The following CDH12 variants were observed in gnomAD, a reference collection of about 807,000 sequenced individuals.
The protein encoded by CDH12 is cadherin-12.
Under a neutral mutation model 74.1 loss-of-function variants are expected in CDH12, and 41 were observed. That is an observed-to-expected ratio of 0.55 (90% confidence interval 0.43 to 0.72). The LOEUF (loss-of-function observed/expected upper bound fraction) is 0.72. Among genes scored for constraint, CDH12 ranks in the 30% least tolerant of loss-of-function variants. The probability of loss-of-function intolerance (pLI) is 0.00; values close to 1 mark genes in which losing one functional copy is unlikely to be tolerated. For missense variants in CDH12, 945 were observed against 977.2 expected (o/e 0.97, Z 0.44); for synonymous variants, 399 against 355.0 (o/e 1.12, Z -1.39).
chr5:22,424,108 A>G (rs1196824886), intron 2 of CDH12, among the ~76,000 whole-genome samples: 1 of 151,702 alleles, frequency 6.6e-6, no homozygotes, highest in Admixed American at 6.6e-5. Context: ...TATTTATTAA[A>G]TATTTAAATT....
At chr5:22,483,042 C>T (rs1344594191) in intron 2 of CDH12, among the ~76,000 whole-genome samples, 2 of 152,094 alleles carry the variant, frequency 1.3e-5, no homozygotes, top group African/African-American at 2.4e-5. Flanking sequence ...CACACCTCCC[C>T]CTTCTCTTCA....
chr5:22,003,223 C>T (rs1234684549), intron 5 of CDH12, among the ~76,000 whole-genome samples: 3 of 151,964 alleles, frequency 2.0e-5, no homozygotes, highest in Admixed American at 6.6e-5. Context: ...GAACTATAAT[C>T]GTCACATTTT....
At chr5:22,262,181 A>AT (rs1410140382) in intron 3 of CDH12, among the ~76,000 whole-genome samples, 1 of 151,492 alleles carries the variant, frequency 6.6e-6, no homozygotes, top group Non-Finnish European at 1.5e-5. Context: ...GGTTAGTTAC[A>AT]TATGTATACA....
intron 1 of CDH12, among the ~76,000 whole-genome samples, chr5:22,772,235 G>A (rs2126313690): frequency 6.6e-6 from 1 of 152,018 alleles, no homozygotes; most frequent in East Asian, 1.9e-4. Flanking sequence ...GGTTTTGAGA[G>A]ATCATTCACA....
At chr5:22,353,639 T>C (rs922393741) in intron 3 of CDH12, among the ~76,000 whole-genome samples, 3 of 152,178 alleles carry the variant, frequency 2.0e-5, no homozygotes, top group Admixed American at 2.0e-4. Context: ...GTGGATACTA[T>C]GGGTCCTATT....
At chr5:22,449,552 C>G (rs1025714550) in intron 2 of CDH12, among the ~76,000 whole-genome samples, 13 of 151,880 alleles carry the variant, frequency 8.6e-5, no homozygotes, top group African/African-American at 3.1e-4. Flanking sequence ...GTGTTTCTTC[C>G]CAACGCTACT....
At chr5:21,831,137 T>C (rs1481150650) in intron 8 of CDH12, among the ~76,000 whole-genome samples, 1 of 152,106 alleles carries the variant, frequency 6.6e-6, no homozygotes, top group Admixed American at 6.5e-5. Context: ...GTTTTAGCTT[T>C]GATTAGTGGA....
At chr5:21,850,834 T>G (rs1395373932) in intron 7 of CDH12, among the ~76,000 whole-genome samples, 2 of 151,100 alleles carry the variant, frequency 1.3e-5, no homozygotes, top group Non-Finnish European at 3.0e-5. Flanking sequence ...CACTCAATTG[T>G]TTTTTTTAAT....
At chr5:22,761,444 CCCCAGGA>C (rs1330354259) in intron 1 of CDH12, among the ~76,000 whole-genome samples, 1 of 152,046 alleles carries the variant, frequency 6.6e-6, no homozygotes, top group Admixed American at 6.6e-5. Context: ...ACGGTGTGCC[CCCCAGGA>C]GTTTTCATAA....
intron 1 of CDH12, among the ~76,000 whole-genome samples, chr5:22,661,993 A>T (rs1051477511): frequency 6.6e-6 from 1 of 152,120 alleles, no homozygotes; most frequent in African/African-American, 2.4e-5. Context: ...GTTTCTACAC[A>T]TGAGTTTATT....
chr5:22,073,644 G>A lies in CDH12; in HGVS notation c.231+4802C>T, dbSNP rs1374387727. Among the ~76,000 whole-genome samples, 5 of 152,078 alleles carry A rather than the reference G, an allele frequency of 3.3e-5. No individual in the cohort carries two copies. In the South Asian group the frequency reaches 8.3e-4, roughly 25 times the overall value. Reference sequence around the variant, plus strand: ...ATTAAATTCACAGTGTGTATGTGAGGAAAGCTTTACCTCTGTATACCCTTG... The same window carrying A: ...ATTAAATTCACAGTGTGTATGTGAGAAAAGCTTTACCTCTGTATACCCTTG... On this transcript the variant is annotated intron_variant, in intron 5 of 14. Coordinates refer to ENST00000382254, the MANE Select transcript of CDH12 (RefSeq NM_004061.5).
intron 3 of CDH12, among the ~76,000 whole-genome samples, chr5:22,227,019 T>C (rs1049326205): frequency 1.3e-5 from 2 of 152,128 alleles, no homozygotes; most frequent in Admixed American, 6.6e-5. Flanking sequence ...ATAATATTCA[T>C]AGATGATGTT....
At chr5:22,223,341 C>T (rs566189013) in intron 3 of CDH12, among the ~76,000 whole-genome samples, 9 of 151,872 alleles carry the variant, frequency 5.9e-5, no homozygotes, top group Non-Finnish European at 1.0e-4. Flanking sequence ...TAATCTCTTG[C>T]GCATATAGAA....
intron 1 of CDH12, among the ~76,000 whole-genome samples, chr5:22,683,936 C>G (rs1741628572): frequency 6.6e-6 from 1 of 152,156 alleles, no homozygotes; most frequent in Non-Finnish European, 1.5e-5. Context: ...TCAAGACTCT[C>G]TAGTCACTGA....
At chr5:22,525,211 G>A (rs1026603730) in intron 1 of CDH12, among the ~76,000 whole-genome samples, 2 of 152,072 alleles carry the variant, frequency 1.3e-5, no homozygotes, top group African/African-American at 4.8e-5. Flanking sequence ...GTCTATCATT[G>A]TTGGACATTT....
In CDH12 at chr5:22,505,343, G is replaced by A. The variant is rs749858707; in HGVS notation, c.-501C>T. 5.1e-6 allele frequency: 5 copies of A among 984,078 alleles called. No individual in the cohort carries two copies. Among genetic ancestry groups the A allele is most frequent in the Non-Finnish European group, 6.0e-6 (5 of 828,838 alleles). The allele number at this position is 984,078 out of a possible 1,614,324, so 61.0% of individuals were successfully genotyped here. ...CAGCTTGTCTATATTTCCCAAAAGAGCCAAGCTGTTAGGTAACAAAGCTGG... is the reference window on the plus strand; with the variant it reads ...CAGCTTGTCTATATTTCCCAAAAGAACCAAGCTGTTAGGTAACAAAGCTGG... On this transcript the variant is annotated 5_prime_UTR_variant, in exon 2 of 15. Transcript: ENST00000382254.
intron 3 of CDH12, among the ~76,000 whole-genome samples, chr5:22,336,356 G>T (rs1044475795): frequency 1.3e-5 from 2 of 152,212 alleles, no homozygotes; most frequent in African/African-American, 4.8e-5. Context: ...ATTTGCCTAA[G>T]TAAGGAGGAG....
At chr5:21,821,532 TA>T (rs995198712) in intron 8 of CDH12, among the ~76,000 whole-genome samples, 32 of 151,622 alleles carry the variant, frequency 2.1e-4, no homozygotes, top group Non-Finnish European at 2.7e-4. Context: ...TAAAGTTACT[TA>T]AAAAAAAGGA....
intron 8 of CDH12, among the ~76,000 whole-genome samples, chr5:21,820,020 A>G (rs1748277963): frequency 6.6e-6 from 1 of 152,022 alleles, no homozygotes; most frequent in Admixed American, 6.6e-5. Context: ...TAGAGCCTGG[A>G]GTCCTCTCTA....
Sources: allele counts gnomAD v4.1 joint callset (sites outside exome capture counted in the v4.1 genomes callset), GRCh38; gene constraint gnomAD v4.1.1; transcripts MANE v1.5; gene names NCBI Gene and HGNC (gene_info 2026-07-23, HGNC 2026-07-21).